SMUG1: variants seen among roughly 807,000 people sequenced by gnomAD.
SMUG1 encodes the protein single-strand-selective monofunctional uracil-DNA glycosylase 1, also known as single-strand selective monofunctional uracil DNA glycosylase.
Under a neutral mutation model 23.9 loss-of-function variants are expected in SMUG1, and 13 were observed. The observed-to-expected ratio is 0.54, with a 90% CI of 0.35 to 0.86. The LOEUF is 0.86. Ranked by LOEUF, SMUG1 falls within the 40% of genes least tolerant of loss-of-function variation. SMUG1 has a pLI of 0.01. For missense variants in SMUG1, 313 were observed against 339.5 expected, an observed-to-expected ratio of 0.92 and a Z score of 0.61; for synonymous variants, 133 against 139.8, an observed-to-expected ratio of 0.95 and a Z score of 0.34.
chr12:54,182,552 T>C lies in SMUG1; in HGVS notation c.357A>G (p.Gln119=), dbSNP rs1308523354. 6.8e-6 allele frequency: 11 copies of C among 1,614,016 alleles called. No homozygotes were observed. The highest frequency in any genetic ancestry group is 9.3e-6 in the Non-Finnish European group (11 of 1,180,016). Residue 119 remains glutamine (Q), a synonymous_variant, in exon 4 of 4, where the codon CAA becomes CAG. Transcript: ENST00000682136. ...GIVGPVLTPP[Q]EHPKRPVLGL... ...CCAGCACTGGTCGTTTAGGATGCTC[T>C]TGGGGAGGGGTCAGCACAGGCCCCA...
intron 2 of SMUG1, among the ~76,000 whole-genome samples, chr12:54,174,219 A>G (rs114476505): frequency 0.014 from 2,201 of 152,190 alleles, 64 homozygotes; most frequent in African/African-American, 0.049. Flanking sequence ...AAGTCATCAC[A>G]CCCCAATCAC....
Position 54,183,646 on chromosome 12 carries a change from A to G in SMUG1, c.285+10T>C. ...CCCACTCCACCCACTGGGGAAGCCA[A>G]ACCCTTTACCCCAGTCTGGGCCATG... is the stretch of plus-strand genomic sequence containing the variant. On this transcript the variant is annotated intron_variant, in intron 3 of 3. Coordinates refer to ENST00000682136, the MANE Select transcript of SMUG1 (RefSeq NM_001243787.2). 1 of 1,613,698 alleles carries G rather than the reference A, an allele frequency of 6.2e-7. No individual in the cohort carries two copies. Among genetic ancestry groups the G allele is most frequent in the Non-Finnish European group, 8.5e-7 (1 of 1,179,748 alleles).
chr12:54,177,640 T>C (rs1940789844), downstream of SMUG1, among the ~76,000 whole-genome samples: 1 of 151,986 alleles, frequency 6.6e-6, no homozygotes, highest in Non-Finnish European at 1.5e-5. Context: ...AAAGGCTCCA[T>C]TCTCTACCAC....
chr12:54,168,311 TGA>T (rs1940537741), intron 3 of SMUG1: 1 of 152,204 alleles, frequency 6.6e-6, no homozygotes, highest in Non-Finnish European at 1.5e-5. Context: ...ACCATCTGCC[TGA>T]GAGAACCCTC....
Position 54,184,533 on chromosome 12 carries a change from C to T in SMUG1, c.-19-574G>A, listed in dbSNP as rs376251450. On this transcript the variant is annotated intron_variant, in intron 2 of 3. Coordinates refer to ENST00000682136, the MANE Select transcript of SMUG1 (RefSeq NM_001243787.2). ...CCCATGAGGTGGGTATTACTGCTCC[C>T]CTGTTATAAGTGAGGACACTGAGGC... Among the ~76,000 whole-genome samples the T allele has an allele frequency of 6.6e-5, 10 of 152,284 alleles. No individual in the cohort carries two copies. In the East Asian group the frequency reaches 1.2e-3, roughly 18 times the overall value.
chr12:54,163,449 T>C (rs562910976), downstream of SMUG1, among the ~76,000 whole-genome samples: 2 of 152,378 alleles, frequency 1.3e-5, no homozygotes, highest in South Asian at 4.1e-4. Flanking sequence ...CATAAAGTGC[T>C]TAGATTAGTG....
At position 54,167,149 on chromosome 12, in the gene SMUG1, A is replaced by C. The variant is rs12423910; in HGVS notation, c.*53-1671T>G. ...GGACATTCCTAGGCAGCTGGGTCCCAGTGTTCACCAGCATGGACCAGTAAT... is the reference window on the plus strand; with the variant it reads ...GGACATTCCTAGGCAGCTGGGTCCCCGTGTTCACCAGCATGGACCAGTAAT... On this transcript the variant is annotated intron_variant and NMD_transcript_variant, in intron 3 of 4. Coordinates refer to the SMUG1 transcript ENST00000509864. Among the ~76,000 whole-genome samples, 394 of 152,278 alleles carry C rather than the reference A, an allele frequency of 2.6e-3. 11 individuals carry two copies. Among genetic ancestry groups the C allele is most frequent in the Admixed American group, 0.024 (361 of 15,292 alleles).
At chr12:54,173,792 G>C (rs565900194) in intron 2 of SMUG1, among the ~76,000 whole-genome samples, 1 of 105,356 alleles carries the variant, frequency 9.5e-6, no homozygotes, top group Non-Finnish European at 1.9e-5. Context: ...GCTCCCCTTC[G>C]AGTCTGGGCT....
chr12:54,176,841 GA>G (rs916325924), downstream of SMUG1, among the ~76,000 whole-genome samples: 2 of 146,090 alleles, frequency 1.4e-5, no homozygotes, highest in Non-Finnish European at 3.0e-5. Context: ...AAAAAAAAAA[GA>G]GGTAAGAAAA....
rs368228133 is a variant in SMUG1, at chr12:54,182,012, C to T, written c.*84G>A. 8.6e-6 allele frequency: 13 copies of T among 1,508,990 alleles called. No homozygotes were observed. In the East Asian group the frequency reaches 3.0e-4, roughly 35 times the overall value. 93.5% of individuals were successfully genotyped at this position (1,508,990 alleles called of 1,614,324 possible). A position where few individuals can be genotyped will look rare whatever the true frequency, so the allele number is the denominator to read the frequency against. On this transcript the variant is annotated 3_prime_UTR_variant, in exon 4 of 4. Transcript: ENST00000682136. ...GGGTGCACAGAAGGACCTTTTGCTC[C>T]AGTCCAGGAGATGTGTTGTCATCTG...
intron 3 of SMUG1, among the ~76,000 whole-genome samples, chr12:54,171,414 G>C (rs545698588): frequency 1.3e-5 from 2 of 151,102 alleles, no homozygotes; most frequent in Non-Finnish European, 1.5e-5. Flanking sequence ...ACTTGTGGTC[G>C]GGCGCGGTGG....
intron 3 of SMUG1, among the ~76,000 whole-genome samples, chr12:54,166,788 G>A (rs916231297): frequency 8.5e-5 from 13 of 152,164 alleles, no homozygotes; most frequent in Non-Finnish European, 1.8e-4. Flanking sequence ...GAGACACACA[G>A]GGAGGAAAGA....
downstream of SMUG1, chr12:54,164,294 G>A (rs1019697462): frequency 1.8e-4 from 27 of 152,330 alleles, 1 homozygote; most frequent in African/African-American, 6.5e-4. Context: ...TAAATGAGCA[G>A]AGCCTCAGAG....
rs1941282224 is a variant in SMUG1 at position 54,182,327 on chromosome 12, A to C, written c.582T>G (p.Cys194Trp). ...GCACCTGCCGGCAGAGGGCTGCATC[A>C]CAGATCCCAAGAAGCTGTTCTCGCT... is the stretch of plus-strand genomic sequence containing the variant. ...AKQREQLLGI[C>W]DAALCRQVQL... Residue 194 changes from cysteine to tryptophan, a missense_variant, in exon 4 of 4, where the codon TGT becomes TGG. Physicochemically the swap from Cys to Trp is radical, Grantham distance 215. Transcript: ENST00000682136. 6.2e-7 allele frequency: 1 copy of C among 1,614,034 alleles called. No individual in the cohort carries two copies. Among genetic ancestry groups the C allele is most frequent in the Non-Finnish European group, 8.5e-7 (1 of 1,179,996 alleles).
At chr12:54,174,435 A>G (rs1940704988) in intron 2 of SMUG1, among the ~76,000 whole-genome samples, 1 of 152,234 alleles carries the variant, frequency 6.6e-6, no homozygotes, top group South Asian at 2.1e-4. Context: ...TGAAGAAGAC[A>G]AAGTGTGAGA....
intron 1 of SMUG1, among the ~76,000 whole-genome samples, chr12:54,188,248 T>TAATA (rs1157630807): frequency 2.0e-5 from 3 of 148,456 alleles, no homozygotes; most frequent in African/African-American, 7.5e-5. Context: ...CCAGGGACAA[T>TAATA]AATAAATATC....
At chr12:54,169,169 C>T (rs1282680522) in intron 3 of SMUG1, among the ~76,000 whole-genome samples, 1 of 152,148 alleles carries the variant, frequency 6.6e-6, no homozygotes, top group Non-Finnish European at 1.5e-5. Context: ...TAGCAAGAAA[C>T]ACACAGCCCT....
chr12:54,182,327 A>T lies in SMUG1; in HGVS notation c.582T>A (p.Cys194Ter), dbSNP rs1941282224. The T allele has an allele frequency of 6.2e-7, 1 of 1,613,916 alleles. No individual in the cohort carries two copies. The highest frequency in any genetic ancestry group is 1.7e-5 in the Admixed American group (1 of 59,980). Residue 194 changes from cysteine to a stop codon, truncating the protein, a stop_gained, in exon 4 of 4, where the codon TGT (cysteine) becomes TGA (stop). Coordinates refer to ENST00000682136, the MANE Select transcript of SMUG1 (RefSeq NM_001243787.2). LOFTEE classifies it high-confidence loss of function. ...GCACCTGCCGGCAGAGGGCTGCATC[A>T]CAGATCCCAAGAAGCTGTTCTCGCT... ...AKQREQLLGI[C>*]DAALCRQVQL...
intron 2 of SMUG1, chr12:54,187,418 C>T (rs1314460661): frequency 6.6e-6 from 1 of 152,220 alleles, no homozygotes; most frequent in Non-Finnish European, 1.5e-5. Flanking sequence ...TGGGCTCATA[C>T]AAAAGCTGAG....
Sources: gnomAD v4.1 joint callset for allele counts (sites outside exome capture counted in the v4.1 genomes callset) on GRCh38, gnomAD v4.1.1 for gene constraint, MANE v1.5 for transcripts, NCBI Gene and HGNC (gene_info 2026-07-23, HGNC 2026-07-21) for gene names.